UNC13C: variants seen among roughly 807,000 people sequenced by gnomAD.
The protein encoded by UNC13C is protein unc-13 homolog C.
In UNC13C, 174 loss-of-function variants were observed where a neutral mutation model predicts 245.4. That is an observed-to-expected ratio of 0.71 (90% CI 0.63 to 0.80). The LOEUF is 0.80. UNC13C is among the 30% of genes least tolerant of loss of function. UNC13C has a pLI of 0.00. For missense variants in UNC13C, 2,829 were observed against 2,602.9 expected (o/e 1.09, Z -1.89); for synonymous variants, 992 against 895.1 (o/e 1.11, Z -1.93).
chr15:54,103,643 C>T (rs1900278806), intron 2 of UNC13C, among the ~76,000 whole-genome samples: 1 of 152,172 alleles, frequency 6.6e-6, no homozygotes, highest in South Asian at 2.1e-4. Flanking sequence ...TAATTCATTT[C>T]TGTGACCCTG....
intron 2 of UNC13C, among the ~76,000 whole-genome samples, chr15:54,082,709 T>C (rs1899018774): frequency 6.6e-6 from 1 of 152,206 alleles, no homozygotes; most frequent in Non-Finnish European, 1.5e-5. Flanking sequence ...TCGCTTCTTA[T>C]TTTTGAGTTT....
the UNC13C span, among the ~76,000 whole-genome samples, chr15:53,926,583 GAC>G: frequency 6.6e-6 from 1 of 152,162 alleles, no homozygotes; most frequent in Non-Finnish European, 1.5e-5. Context: ...AAGGATACAG[GAC>G]ACAGTCACTG....
chr15:54,033,485 C>A (rs1896451693), intron 2 of UNC13C, among the ~76,000 whole-genome samples: 1 of 152,072 alleles, frequency 6.6e-6, no homozygotes, highest in Non-Finnish European at 1.5e-5. Flanking sequence ...TCATTGAGAG[C>A]AGCTGTTCTC....
At chr15:54,168,513 C>T (rs990954921) in intron 4 of UNC13C, among the ~76,000 whole-genome samples, 5 of 152,038 alleles carry the variant, frequency 3.3e-5, no homozygotes, top group African/African-American at 9.7e-5. Flanking sequence ...GAGTTTTCAG[C>T]GTTCAACTTT....
intron 32 of UNC13C, among the ~76,000 whole-genome samples, chr15:54,625,286 G>T (rs1159154661): frequency 4.5e-3 from 1 of 222 alleles, no homozygotes; most frequent in Non-Finnish European, 0.031. Flanking sequence ...AAACCCTACT[G>T]AGATATAGTC....
At chr15:54,255,549 C>T (rs894665364) in intron 8 of UNC13C, among the ~76,000 whole-genome samples, 1 of 152,218 alleles carries the variant, frequency 6.6e-6, no homozygotes, top group Non-Finnish European at 1.5e-5. Context: ...ATGTGTTCGT[C>T]TGGATGTCCA....
intron 7 of UNC13C, among the ~76,000 whole-genome samples, chr15:54,241,095 C>A (rs1020456973): frequency 6.6e-6 from 1 of 152,038 alleles, no homozygotes; most frequent in East Asian, 1.9e-4. Flanking sequence ...TAGGCAAGAT[C>A]GTTTAAACCA....
At chr15:53,868,484 C>G in the UNC13C span, among the ~76,000 whole-genome samples, 1 of 152,064 alleles carries the variant, frequency 6.6e-6, no homozygotes, top group Non-Finnish European at 1.5e-5. Context: ...GACTTGTGCC[C>G]TAGGGGTCAG....
At chr15:54,396,838 G>T (rs1399419756) in intron 18 of UNC13C, among the ~76,000 whole-genome samples, 2 of 150,522 alleles carry the variant, frequency 1.3e-5, no homozygotes, top group East Asian at 1.9e-4. Context: ...TGAAATTTCT[G>T]TTCAAATCAT....
chr15:53,974,020 C>T (rs923641048), upstream of UNC13C, among the ~76,000 whole-genome samples: 2 of 152,108 alleles, frequency 1.3e-5, no homozygotes, highest in East Asian at 3.9e-4. Flanking sequence ...GTCTTAACCA[C>T]TTACTAGTTC....
intron 4 of UNC13C, among the ~76,000 whole-genome samples, chr15:54,213,083 A>G (rs1024334562): frequency 3.3e-5 from 5 of 152,124 alleles, no homozygotes; most frequent in African/African-American, 1.2e-4. Flanking sequence ...AAACTTGGAC[A>G]ATCTTCTAAT....
Position 54,065,001 on chromosome 15 carries a change from A to G in UNC13C, c.2983+49115A>G, listed in dbSNP as rs570928447. 4.6e-5 allele frequency among the ~76,000 whole-genome samples: 7 copies of G among 152,348 alleles called. No homozygotes were observed. The South Asian group carries it at 1.0e-3, about 23-fold the overall frequency. ...TTACTTTTGTTATAGAAAACTTCCT[A>G]TGTTTAAGATTCATTCACCCCAATG... On this transcript the variant is annotated intron_variant, in intron 2 of 32. Transcript: ENST00000260323.
At chr15:54,595,418 G>C (rs79942106) in intron 30 of UNC13C, among the ~76,000 whole-genome samples, 2,719 of 152,176 alleles carry the variant, frequency 0.018, 68 homozygotes, top group East Asian at 0.13. Context: ...AGCACTCAAA[G>C]TATTTGGGGT....
chr15:54,182,040 G>C (rs1273242035), intron 4 of UNC13C, among the ~76,000 whole-genome samples: 1 of 148,174 alleles, frequency 6.7e-6, no homozygotes, highest in Non-Finnish European at 1.5e-5. Context: ...TCTCTTGCCT[G>C]ATTACTCTGA....
chr15:53,859,859 G>T, the UNC13C span, among the ~76,000 whole-genome samples: 1 of 152,122 alleles, frequency 6.6e-6, no homozygotes, highest in Non-Finnish European at 1.5e-5. Flanking sequence ...AGGCTTGGGG[G>T]ATCTGTTTTC....
intron 4 of UNC13C, among the ~76,000 whole-genome samples, chr15:54,226,650 G>C (rs1156448297): frequency 1.3e-5 from 2 of 152,196 alleles, no homozygotes; most frequent in African/African-American, 2.4e-5. Context: ...GGGGTGTGTT[G>C]GAGAGCAAGC....
intron 29 of UNC13C, among the ~76,000 whole-genome samples, chr15:54,560,822 T>G (rs1466911811): frequency 1.3e-5 from 2 of 151,968 alleles, no homozygotes; most frequent in Non-Finnish European, 2.9e-5. Flanking sequence ...GAAATAATAC[T>G]ACTACTTAAA....
chr15:54,577,753 G>A (rs945031442), intron 30 of UNC13C, among the ~76,000 whole-genome samples: 9 of 152,128 alleles, frequency 5.9e-5, no homozygotes, highest in Admixed American at 2.6e-4. Context: ...AGAGCCCAGC[G>A]AAACCCTCAT....
At chr15:54,068,002 T>C (rs1400845164) in intron 2 of UNC13C, among the ~76,000 whole-genome samples, 1 of 152,152 alleles carries the variant, frequency 6.6e-6, no homozygotes, top group Non-Finnish European at 1.5e-5. Flanking sequence ...GAATCTTAAA[T>C]TGGGGTTATT....
Sources: allele counts gnomAD v4.1 joint callset (sites outside exome capture counted in the v4.1 genomes callset), GRCh38; gene constraint gnomAD v4.1.1; transcripts MANE v1.5; gene names NCBI Gene and HGNC (gene_info 2026-07-23, HGNC 2026-07-21).